The following UBE2L6 variants were observed in gnomAD, a reference collection of about 807,000 sequenced individuals.
The protein encoded by UBE2L6 is ubiquitin/ISG15-conjugating enzyme E2 L6.
Under a neutral mutation model 13.6 loss-of-function variants are expected in UBE2L6, and 11 were observed. That is an observed-to-expected ratio of 0.81 (90% CI 0.51 to 1.34). The LOEUF (loss-of-function observed/expected upper bound fraction) is 1.34. Among genes scored for constraint, UBE2L6 ranks in the 40% most tolerant of loss-of-function variants. The probability of loss-of-function intolerance (pLI) is 0.00; values close to 1 mark genes in which losing one functional copy is unlikely to be tolerated. For synonymous variants in UBE2L6, 74 were observed against 83.2 expected (o/e 0.89, Z 0.60); for missense variants, 197 against 199.5 (o/e 0.99, Z 0.07).
chr11:57,552,240 A>T lies in UBE2L6; in HGVS notation c.*118T>A. The T allele has an allele frequency of 7.1e-7, 1 of 1,413,964 alleles. No individual in the cohort carries two copies. The allele number at this position is 1,413,964 out of a possible 1,614,324, so 87.6% of individuals were successfully genotyped here. A position where few individuals can be genotyped will look rare whatever the true frequency, so the allele number is the denominator to read the frequency against. Reference sequence around the variant, plus strand: ...ACACACACACACAAACTAATGACTAACAACCTAAGAAGGGAAAAATGAATG... The same window carrying T: ...ACACACACACACAAACTAATGACTATCAACCTAAGAAGGGAAAAATGAATG... On this transcript the variant is annotated 3_prime_UTR_variant, in exon 4 of 4. Coordinates refer to ENST00000287156, the MANE Select transcript of UBE2L6 (RefSeq NM_004223.5).
intron 1 of UBE2L6, 77 bp downstream of exon 1, chr11:57,567,508 G>A (rs377580064): frequency 4.9e-5 from 77 of 1,568,772 alleles, no homozygotes; most frequent in South Asian, 4.8e-4. Context: ...TCGGAGAGCC[G>A]CGGAGGGGAT....
At chr11:57,553,661 C>A (rs931360891) in intron 3 of UBE2L6, among the ~76,000 whole-genome samples, 4 of 152,110 alleles carry the variant, frequency 2.6e-5, no homozygotes, top group Admixed American at 6.5e-5. Context: ...AAACCCCTCT[C>A]TATTAAAAAT....
chr11:57,560,505 G>T, intron 1 of UBE2L6, 73 bp from the exon 2 acceptor site: 1 of 1,189,306 alleles, frequency 8.4e-7, no homozygotes, highest in Non-Finnish European at 1.2e-6. Flanking sequence ...TGCCCCAGCA[G>T]CAAGCTGCCC....
rs1944964434 is a variant in UBE2L6 at position 57,552,281 on chromosome 11, G to C, written c.*77C>G. 1 of 1,560,236 alleles carries C rather than the reference G, an allele frequency of 6.4e-7. No homozygotes were observed. Among genetic ancestry groups the C allele is most frequent in the Admixed American group, 1.8e-5 (1 of 56,412 alleles). The stretch of plus-strand genomic sequence containing the variant: ...AAAATGAATGGGGAATGGGCCACAG[G>C]GGGCTCTGGCCTCAGTCCATGAGGT... On this transcript the variant is annotated 3_prime_UTR_variant, in exon 4 of 4. Coordinates refer to ENST00000287156, the MANE Select transcript of UBE2L6 (RefSeq NM_004223.5).
At position 57,552,423 on chromosome 11, in the gene UBE2L6, G is replaced by A; in HGVS notation, c.397C>T (p.Pro133Ser). 1 of 1,614,168 alleles carries A rather than the reference G, an allele frequency of 6.2e-7. No homozygotes were observed. Among genetic ancestry groups the A allele is most frequent in the Middle Eastern group, 1.6e-4 (1 of 6,062 alleles). ...TCGGCATTCTTTCTGAACAGCTCCG[G>A]ATTCTGTGTCAGCAGGTCAGCGAGG... ...MDLADLLTQNPELFRKNAEEF... is the reference protein window; with the variant it reads ...MDLADLLTQNSELFRKNAEEF... Residue 133 changes from proline (P) to serine (S), a missense_variant, in exon 4 of 4, where the codon CCG (proline) becomes TCG (serine). Physicochemically the swap from Pro to Ser is moderately conservative, Grantham distance 74. Transcript: ENST00000287156.
intron 2 of UBE2L6, among the ~76,000 whole-genome samples, chr11:57,557,391 GCTT>G (rs1945006438): frequency 7.4e-6 from 1 of 135,982 alleles, no homozygotes. Context: ...CTGGTGCCAT[GCTT>G]CTTTTTTTTT....
In UBE2L6 at chr11:57,554,458, G is replaced by A. The variant is rs1208451765; in HGVS notation, c.289C>T (p.Pro97Ser). 2 of 1,613,934 alleles carry A rather than the reference G, an allele frequency of 1.2e-6. No homozygotes were observed. Among genetic ancestry groups the A allele is most frequent in the Non-Finnish European group, 1.7e-6 (2 of 1,179,928 alleles). ...LPIISSENWK[P>S]CTKTCQVLEA... ...CCACCTTGGCAAGTCTTGGTGCAAG[G>A]CTTCCAGTTCTCACTGCTGATGATG... is the stretch of plus-strand genomic sequence containing the variant. Residue 97 changes from proline (P) to serine (S), a missense_variant, in exon 3 of 4, where the codon CCT becomes TCT. Coordinates refer to ENST00000287156, the MANE Select transcript of UBE2L6 (RefSeq NM_004223.5).
At chr11:57,567,510 G>C in intron 1 of UBE2L6, 75 bp downstream of exon 1, 1 of 1,571,244 alleles carries the variant, frequency 6.4e-7, no homozygotes, top group Non-Finnish European at 8.7e-7. Context: ...GGAGAGCCGC[G>C]GAGGGGATGG....
At chr11:57,561,240 G>C (rs2649649) in intron 1 of UBE2L6, among the ~76,000 whole-genome samples, 63,538 of 151,888 alleles carry the variant, frequency 0.42, 13,860 homozygotes, top group East Asian at 0.73. Context: ...AAATGACTCC[G>C]GAAGACCATA....
chr11:57,567,813 C>T (rs186609688), upstream of UBE2L6: 107 of 527,352 alleles, frequency 2.0e-4, no homozygotes, highest in African/African-American at 1.9e-3. Context: ...GACAACCGCC[C>T]GATCCCCGCG....
At position 57,560,361 on chromosome 11, in the gene UBE2L6, C is replaced by A. The variant is rs1565160002; in HGVS notation, c.99G>T (p.Leu33=). The A allele has an allele frequency of 6.2e-7, 1 of 1,614,078 alleles. No homozygotes were observed. Among genetic ancestry groups the A allele is most frequent in the Admixed American group, 1.7e-5 (1 of 60,024 alleles). ...RNLSSDDANV[L]VWHALLLPDQ... is the part of the protein sequence containing the mutation. ...CGGGTAGGAGGAGAGCGTGCCACAC[C>A]AGGACATTGGCATCATCGCTGGACA... Residue 33 remains leucine, a synonymous_variant, in exon 2 of 4, where the codon CTG becomes CTT. Transcript: ENST00000287156.
At chr11:57,565,982 T>C (rs544702937) in intron 1 of UBE2L6, among the ~76,000 whole-genome samples, 1 of 138,468 alleles carries the variant, frequency 7.2e-6, no homozygotes, top group African/African-American at 2.7e-5. Context: ...CCTCAGCCTA[T>C]GTTCTATTTC....
intron 1 of UBE2L6, chr11:57,566,956 C>CCCCCG: frequency 4.7e-6 from 1 of 213,480 alleles, no homozygotes; most frequent in Non-Finnish European, 9.6e-6. Context: ...CGCCCCCCCC[C>CCCCCG]CCCTCCTAGA....
chr11:57,558,290 G>C (rs939126728), intron 2 of UBE2L6, among the ~76,000 whole-genome samples: 11 of 152,102 alleles, frequency 7.2e-5, no homozygotes, highest in Admixed American at 3.9e-4. Flanking sequence ...TGTTGGCCAG[G>C]CTGGTCTCAA....
At chr11:57,556,585 T>TC (rs1944998913) in intron 2 of UBE2L6, among the ~76,000 whole-genome samples, 1 of 36,088 alleles carries the variant, frequency 2.8e-5, no homozygotes, top group African/African-American at 1.3e-4. Context: ...AGAGCAAAAC[T>TC]CCGTCTCAAA....
Position 57,560,423 on chromosome 11 carries a change from C to A in UBE2L6, c.37G>T (p.Asp13Tyr), listed in dbSNP as rs752654196. ...ASMRVVKELE[D>Y]LQKKPPPYLR... ...TATGGGGGAGGCTTCTTCTGAAGAT[C>A]CTCCAGCTCCTGCAGGGGACACAAG... The change falls in exon 2 of 4, where the codon GAT becomes TAT. Residue 13 changes from aspartate to tyrosine, a missense_variant. Transcript: ENST00000287156. 3.7e-6 allele frequency: 6 copies of A among 1,612,920 alleles called. No individual in the cohort carries two copies. The highest frequency in any genetic ancestry group is 1.1e-5 in the South Asian group (1 of 91,020).
chr11:57,567,653 C>T lies in UBE2L6; in HGVS notation c.-42G>A. The T allele has an allele frequency of 1.3e-6, 2 of 1,588,598 alleles. No homozygotes were observed. Among genetic ancestry groups the T allele is most frequent in the Non-Finnish European group, 1.7e-6 (2 of 1,167,662 alleles). On this transcript the variant is annotated 5_prime_UTR_variant, in exon 1 of 4. Coordinates refer to ENST00000287156, the MANE Select transcript of UBE2L6 (RefSeq NM_004223.5). ...TGGCACCCGTGGCCTCCAGCAGGAC[C>T]GAGCTCCGACCCGCGACACAGCGCG...
In UBE2L6 at chr11:57,560,346, G is replaced by A. The variant is rs1303170485; in HGVS notation, c.114C>T (p.Leu38=). The change falls in exon 2 of 4, where the codon CTC becomes CTT. Residue 38 remains leucine, a synonymous_variant. Coordinates refer to ENST00000287156, the MANE Select transcript of UBE2L6 (RefSeq NM_004223.5). Reference sequence around the variant, plus strand: ...CCCCATGGATACTCACGGGTAGGAGGAGAGCGTGCCACACCAGGACATTGG... The same window carrying A: ...CCCCATGGATACTCACGGGTAGGAGAAGAGCGTGCCACACCAGGACATTGG... ...DDANVLVWHA[L]LLPDQPPYHL... The A allele has an allele frequency of 6.2e-7, 1 of 1,613,854 alleles. No individual in the cohort carries two copies. The highest frequency in any genetic ancestry group is 1.7e-5 in the Admixed American group (1 of 60,006).
At chr11:57,565,104 T>C (rs1023191822) in intron 1 of UBE2L6, among the ~76,000 whole-genome samples, 1 of 151,768 alleles carries the variant, frequency 6.6e-6, no homozygotes, top group Non-Finnish European at 1.5e-5. Context: ...TAGCCAGGCG[T>C]GATGGTGCCT....
Sources: gnomAD v4.1 joint callset for allele counts (sites outside exome capture counted in the v4.1 genomes callset) on GRCh38, gnomAD v4.1.1 for gene constraint, MANE v1.5 for transcripts, NCBI Gene and HGNC (gene_info 2026-07-23, HGNC 2026-07-21) for gene names.